CAMK1D: variants seen among roughly 807,000 people sequenced by gnomAD.
CAMK1D encodes the protein calcium/calmodulin dependent protein kinase ID.
A neutral mutation model predicts 47.7 loss-of-function variants in CAMK1D; 9 were observed. The observed-to-expected ratio is 0.19, with a 90% CI of 0.11 to 0.33. The LOEUF is 0.33. CAMK1D is among the 10% of genes least tolerant of loss of function. The probability of loss-of-function intolerance (pLI) is 1.00; values close to 1 mark genes in which losing one functional copy is unlikely to be tolerated. For missense variants in CAMK1D, 291 were observed against 488.7 expected, an observed-to-expected ratio of 0.60 and a Z score of 3.81; for synonymous variants, 184 against 184.9, an observed-to-expected ratio of 0.99 and a Z score of 0.04.
intron 1 of CAMK1D, among the ~76,000 whole-genome samples, chr10:12,409,295 C>T (rs1839571114): frequency 2.0e-5 from 3 of 151,962 alleles, no homozygotes; most frequent in Admixed American, 2.0e-4. Flanking sequence ...CGCCTACACT[C>T]ATGATTGGGA....
intron 2 of CAMK1D, among the ~76,000 whole-genome samples, chr10:12,556,133 C>T (rs1273231138): frequency 6.6e-6 from 1 of 152,090 alleles, no homozygotes; most frequent in Non-Finnish European, 1.5e-5. Context: ...TAGTAACTCC[C>T]GCACTGACTT....
At chr10:12,427,616 T>C (rs145206966) in intron 1 of CAMK1D, among the ~76,000 whole-genome samples, 1 of 151,768 alleles carries the variant, frequency 6.6e-6, no homozygotes, top group East Asian at 1.9e-4. Context: ...TGGAACTTGG[T>C]TCTCCTTCAT....
intron 1 of CAMK1D, among the ~76,000 whole-genome samples, chr10:12,483,105 C>G (rs1004278905): frequency 4.5e-4 from 69 of 152,222 alleles, no homozygotes; most frequent in African/African-American, 1.6e-3. Context: ...GCATTGCTGT[C>G]TGGGTGGACC....
At chr10:12,421,106 T>A (rs138866777) in intron 1 of CAMK1D, among the ~76,000 whole-genome samples, 4 of 152,172 alleles carry the variant, frequency 2.6e-5, no homozygotes, top group African/African-American at 9.6e-5. Context: ...GGTGTTGAGG[T>A]GAAGGCAAGC....
At chr10:12,573,071 A>G (rs1195062079) in intron 2 of CAMK1D, among the ~76,000 whole-genome samples, 2 of 152,252 alleles carry the variant, frequency 1.3e-5, no homozygotes, top group Non-Finnish European at 2.9e-5. Context: ...ACAGAAATAG[A>G]GAAGCAAAGA....
intron 1 of CAMK1D, among the ~76,000 whole-genome samples, chr10:12,543,769 C>T (rs2815635): frequency 0.92 from 140,711 of 152,220 alleles, 65,254 homozygotes; most frequent in East Asian, 0.97. Flanking sequence ...CTTTGCCCTG[C>T]CACTCACTGG....
At chr10:12,402,716 AG>A (rs1406469375) in intron 1 of CAMK1D, among the ~76,000 whole-genome samples, 1 of 152,044 alleles carries the variant, frequency 6.6e-6, no homozygotes, top group African/African-American at 2.4e-5. Flanking sequence ...GTGGGGTTGG[AG>A]GGGCAGGATA....
At chr10:12,762,307 A>T (rs942219100) in intron 4 of CAMK1D, among the ~76,000 whole-genome samples, 1 of 152,226 alleles carries the variant, frequency 6.6e-6, no homozygotes, top group Non-Finnish European at 1.5e-5. Flanking sequence ...TGCTGTACAC[A>T]ACTGTGGGAA....
chr10:12,828,107 A>G lies in CAMK1D; in HGVS notation c.1040-662A>G, dbSNP rs74118637. Among the ~76,000 whole-genome samples the G allele has an allele frequency of 2.3e-3, 346 of 152,396 alleles. 1 individual carries two copies. Among genetic ancestry groups the G allele is most frequent in the African/African-American group, 8.0e-3 (332 of 41,598 alleles). On this transcript the variant is annotated intron_variant, in intron 10 of 10. Coordinates refer to ENST00000619168, the MANE Select transcript of CAMK1D (RefSeq NM_153498.4). ...ACCTGCTTTACAGAGCTATTATAAGAAGTGGACAATTCGTATGATGACAGT... is the reference window on the plus strand; with the variant it reads ...ACCTGCTTTACAGAGCTATTATAAGGAGTGGACAATTCGTATGATGACAGT...
At chr10:12,765,958 CTTTTT>C (rs147498267) in intron 4 of CAMK1D, among the ~76,000 whole-genome samples, 2 of 86,498 alleles carry the variant, frequency 2.3e-5, no homozygotes, top group Non-Finnish European at 4.3e-5. Context: ...CCATCCTAAT[CTTTTT>C]TTTTTTTTTT....
intron 1 of CAMK1D, among the ~76,000 whole-genome samples, chr10:12,372,345 C>T (rs1838029719): frequency 6.6e-6 from 1 of 152,198 alleles, no homozygotes; most frequent in Non-Finnish European, 1.5e-5. Flanking sequence ...GAAACTGAGG[C>T]CCAGAGTGGT....
chr10:12,690,260 T>G (rs1180989526), intron 3 of CAMK1D, among the ~76,000 whole-genome samples: 1 of 152,236 alleles, frequency 6.6e-6, no homozygotes, highest in Non-Finnish European at 1.5e-5. Context: ...TACTGTGTCT[T>G]GACTCATTTC....
intron 1 of CAMK1D, among the ~76,000 whole-genome samples, chr10:12,442,881 C>G (rs1832821913): frequency 6.6e-6 from 1 of 152,216 alleles, no homozygotes; most frequent in Admixed American, 6.5e-5. Context: ...CAAAATTTAA[C>G]CATGACAAGA....
chr10:12,782,365 A>T (rs1837538496), intron 5 of CAMK1D, among the ~76,000 whole-genome samples: 1 of 152,046 alleles, frequency 6.6e-6, no homozygotes, highest in South Asian at 2.1e-4. Flanking sequence ...ATTCAGTATC[A>T]CCTCCTTGTC....
At chr10:12,522,647 T>C (rs1461930324) in intron 1 of CAMK1D, among the ~76,000 whole-genome samples, 1 of 151,810 alleles carries the variant, frequency 6.6e-6, no homozygotes, top group Non-Finnish European at 1.5e-5. Flanking sequence ...TTTCCCCACC[T>C]TTCCCCCTTT....
chr10:12,734,397 T>G (rs1007070012), intron 3 of CAMK1D, among the ~76,000 whole-genome samples: 1,142 of 28,008 alleles, frequency 0.041, 80 homozygotes, highest in East Asian at 0.16. Flanking sequence ...TATAGATATA[T>G]ATATATATAC....
At chr10:12,531,561 A>G (rs1835805989) in intron 1 of CAMK1D, among the ~76,000 whole-genome samples, 1 of 152,244 alleles carries the variant, frequency 6.6e-6, no homozygotes, top group Non-Finnish European at 1.5e-5. Flanking sequence ...GCCACGGAGC[A>G]GGAGAGACTC....
At chr10:12,505,877 C>T (rs1443014403) in intron 1 of CAMK1D, among the ~76,000 whole-genome samples, 2 of 152,130 alleles carry the variant, frequency 1.3e-5, no homozygotes, top group Admixed American at 1.3e-4. Flanking sequence ...CCTCCTCCTC[C>T]TCCTCCCTTG....
At chr10:12,599,948 C>T (rs1236525826) in intron 2 of CAMK1D, among the ~76,000 whole-genome samples, 2 of 152,146 alleles carry the variant, frequency 1.3e-5, no homozygotes, top group African/African-American at 4.8e-5. Flanking sequence ...TAAGAAAATA[C>T]AGTAGAACGA....
Sources: allele counts gnomAD v4.1 joint callset (sites outside exome capture counted in the v4.1 genomes callset), GRCh38; gene constraint gnomAD v4.1.1; transcripts MANE v1.5; gene names NCBI Gene and HGNC (gene_info 2026-07-23, HGNC 2026-07-21).